SETD1A: variants seen among roughly 807,000 people sequenced by gnomAD.
SETD1A encodes histone-lysine N-methyltransferase SETD1A.
Under a neutral mutation model 149.9 loss-of-function variants are expected in SETD1A, and 29 were observed. The observed-to-expected ratio is 0.19, with a 90% CI of 0.14 to 0.26. The LOEUF is 0.26. Ranked by LOEUF, SETD1A falls within the 10% of genes least tolerant of loss-of-function variation. The probability of loss-of-function intolerance (pLI) is 1.00; values close to 1 mark genes in which losing one functional copy is unlikely to be tolerated. For missense variants in SETD1A, 2,109 were observed against 2,353.1 expected (o/e 0.90, Z 2.15); for synonymous variants, 1,141 against 968.5 (o/e 1.18, Z -3.31).
intron 3 of SETD1A, among the ~76,000 whole-genome samples, chr16:30,960,303 C>A (rs141099645): frequency 6.6e-6 from 1 of 152,318 alleles, no homozygotes; most frequent in Admixed American, 6.5e-5. Context: ...GCCTTATCCT[C>A]CGCCTTGACA....
chr16:30,967,451 G>C (rs1398551618), intron 9 of SETD1A, 50 bp from the exon 10 acceptor site: 1 of 1,554,958 alleles, frequency 6.4e-7, no homozygotes, highest in South Asian at 1.1e-5. Context: ...ACCGTGCTCT[G>C]CCTGAGTGTT....
chr16:30,970,794 C>T (rs1291943761), intron 12 of SETD1A, among the ~76,000 whole-genome samples: 2 of 152,228 alleles, frequency 1.3e-5, no homozygotes, highest in Non-Finnish European at 2.9e-5. Flanking sequence ...AGCTCCATCT[C>T]GCCCTCCTCC....
rs540417109 is a variant in SETD1A at position 30,961,759 on chromosome 16, A to G, written c.517+222A>G. 2.0e-5 allele frequency among the ~76,000 whole-genome samples: 3 copies of G among 152,106 alleles called. No homozygotes were observed. The highest frequency in any genetic ancestry group is 1.3e-4 in the Admixed American group (2 of 15,258). On this transcript the variant is annotated intron_variant, in intron 4 of 18. Transcript: ENST00000262519. This position sits in a 1 kb window ranked among gnomAD's most constrained non-coding sequence, Gnocchi z 4.0. ...CGGGCAATAGGCCATAATCAAGCAC[A>G]TAACTATCTGTAAAAAAAAAAAAAA... is the stretch of plus-strand genomic sequence containing the variant.
At chr16:30,963,335 A>T in intron 4 of SETD1A, 98 bp from the exon 5 acceptor site, 1 of 1,208,748 alleles carries the variant, frequency 8.3e-7, no homozygotes, top group African/African-American at 1.6e-5. Flanking sequence ...GATTCCAAGA[A>T]ATTGTAGGAA....
chr16:30,968,311 G>A (rs901956795), intron 10 of SETD1A, among the ~76,000 whole-genome samples: 1 of 151,504 alleles, frequency 6.6e-6, no homozygotes, highest in Non-Finnish European at 1.5e-5. Context: ...GCAGAGGCAC[G>A]AGAATCACTT....
At position 30,971,518 on chromosome 16, in the gene SETD1A, T is replaced by G. The variant is rs1596683291; in HGVS notation, c.3157T>G (p.Ser1053Ala). ...CTCCTCCTCCTCGTCCTCATCCTCC[T>G]CGTCCTCTTCATCCTCTGAGTCCTC... Reference protein sequence around the residue: ...SSSSSSSSSSSSSSSSESSSE... With the variant: ...SSSSSSSSSSASSSSSESSSE... Residue 1053 changes from serine to alanine, a missense_variant, in exon 13 of 19, where the codon TCG becomes GCG. Ser to Ala is a moderately conservative substitution (Grantham distance 99, BLOSUM62 1). Around this residue, in one of 8 missense-constraint regions of SETD1A, gnomAD observed 832 missense variants for 815.6 expected, o/e 1.02. Coordinates refer to ENST00000262519, the MANE Select transcript of SETD1A (RefSeq NM_014712.3). The G allele has an allele frequency of 6.2e-7, 1 of 1,613,756 alleles. No homozygotes were observed. Among genetic ancestry groups the G allele is most frequent in the Non-Finnish European group, 8.5e-7 (1 of 1,179,844 alleles).
rs753647033 is a variant in SETD1A, at chr16:30,967,620, G to A, written c.2770+32G>A. ...AGGGTCAGGCATAAGGAGAAGGGGTGTGCTGCGTGGGTTCTGATGGGAGAG... is the reference window on the plus strand; with the variant it reads ...AGGGTCAGGCATAAGGAGAAGGGGTATGCTGCGTGGGTTCTGATGGGAGAG... On this transcript the variant is annotated intron_variant, in intron 10 of 18. Coordinates refer to ENST00000262519, the MANE Select transcript of SETD1A (RefSeq NM_014712.3). 3 of 1,585,050 alleles carry A rather than the reference G, an allele frequency of 1.9e-6. No homozygotes were observed. The South Asian group carries it at 3.3e-5, about 18-fold the overall frequency.
chr16:30,962,506 C>T (rs1178161273), intron 4 of SETD1A, among the ~76,000 whole-genome samples: 1 of 152,142 alleles, frequency 6.6e-6, no homozygotes, highest in African/African-American at 2.4e-5. Context: ...GCGAGGTGGT[C>T]TGGGCTTCTG....
chr16:30,965,992 C>G lies in SETD1A; in HGVS notation c.2111C>G (p.Ala704Gly). 6.3e-7 allele frequency: 1 copy of G among 1,579,982 alleles called. No individual in the cohort carries two copies. Among genetic ancestry groups the G allele is most frequent in the Admixed American group, 1.8e-5 (1 of 55,970 alleles). ...RQGKGLIAAS[A>G]GPPGGAFGEA... ...GGCAAGGGATTGATTGCCGCCTCAG[C>G]TGGCCCCCCCGGTGGGGCCTTTGGG... Residue 704 changes from alanine (A) to glycine (G), a missense_variant, in exon 8 of 19, where the codon GCT becomes GGT. Ala to Gly is a moderately conservative substitution (Grantham distance 60). Around this residue, in one of 8 missense-constraint regions of SETD1A, gnomAD observed 431 missense variants for 388.6 expected, o/e 1.11. Coordinates refer to ENST00000262519, the MANE Select transcript of SETD1A (RefSeq NM_014712.3).
rs2056404871 is a variant in SETD1A, at chr16:30,983,278, G to A, written c.4813-357G>A. Among the ~76,000 whole-genome samples, 1 of 152,172 alleles carries A rather than the reference G, an allele frequency of 6.6e-6. No homozygotes were observed. Among genetic ancestry groups the A allele is most frequent in the Non-Finnish European group, 1.5e-5 (1 of 68,026 alleles). ...AGGAGAGATGAGCAGGGTGCCGTTG[G>A]TGACATGGCCAGTCATTTCAGGAGC... On this transcript the variant is annotated intron_variant, in intron 17 of 18. Transcript: ENST00000262519. This position sits in a 1 kb window ranked among gnomAD's most constrained non-coding sequence, Gnocchi z 6.8.
rs2056167663 is a variant in SETD1A, at chr16:30,967,723, C to T, written c.2770+135C>T. 4 of 714,816 alleles carry T rather than the reference C, an allele frequency of 5.6e-6. No homozygotes were observed. In the South Asian group the frequency reaches 6.2e-5, roughly 11 times the overall value. The allele number at this position is 714,816 out of a possible 1,614,324, so 44.3% of individuals were successfully genotyped here. On this transcript the variant is annotated intron_variant, in intron 10 of 18. Coordinates refer to ENST00000262519, the MANE Select transcript of SETD1A (RefSeq NM_014712.3). ...GGTGCAGGGTTGAAATGCAGCAGTT[C>T]TGAGAGGTATGGGATGCACCAGGTA...
chr16:30,979,763 C>A lies in SETD1A; in HGVS notation c.3977C>A (p.Ala1326Asp). Residue 1326 changes from alanine (A) to aspartate (D), a missense_variant, in exon 14 of 19, where the codon GCC (alanine) becomes GAC (aspartate). By Grantham distance (126) the Ala-to-Asp change is moderately radical. Coordinates refer to ENST00000262519, the MANE Select transcript of SETD1A (RefSeq NM_014712.3). ...RPPEPVPAPA[A>D]LFSSPADEVL... ...CCGGAGCCAGTGCCCGCACCCGCCG[C>A]CCTCTTCAGTTCCCCAGCTGATGAG... The A allele has an allele frequency of 6.3e-7, 1 of 1,595,586 alleles. No homozygotes were observed. Among genetic ancestry groups the A allele is most frequent in the South Asian group, 1.1e-5 (1 of 90,358 alleles).
Position 30,981,221 on chromosome 16 carries a change from A to T in SETD1A, c.4812+41A>T, listed in dbSNP as rs1015103090. ...CAGCCCCGCCCCGGCTTCTGATGCA[A>T]CAAGACAGCATGGGGGCTCACACAC... On this transcript the variant is annotated intron_variant, in intron 17 of 18. Transcript: ENST00000262519. 4 of 1,610,840 alleles carry T rather than the reference A, an allele frequency of 2.5e-6. No homozygotes were observed. The African/African-American group carries it at 4.0e-5, about 16-fold the overall frequency.
Position 30,966,166 on chromosome 16 carries a change from C to T in SETD1A, c.2285C>T (p.Ser762Phe), listed in dbSNP as rs777150212. Residue 762 changes from serine (S) to phenylalanine (F), a missense_variant, in exon 8 of 19, where the codon TCC becomes TTC. Around this residue, in one of 8 missense-constraint regions of SETD1A, gnomAD observed 431 missense variants for 388.6 expected, o/e 1.11. Transcript: ENST00000262519. Reference protein sequence around the residue: ...MPMAAEPLPSSSVSGEEARLP... With the variant: ...MPMAAEPLPSFSVSGEEARLP... Reference sequence around the variant, plus strand: ...ATGGCAGCCGAGCCCCTGCCCTCCTCCTCAGTCTCGGGAGAGGAGGCCCGG... The same window carrying T: ...ATGGCAGCCGAGCCCCTGCCCTCCTTCTCAGTCTCGGGAGAGGAGGCCCGG... 18 of 1,609,922 alleles carry T rather than the reference C, an allele frequency of 1.1e-5. No homozygotes were observed. The highest frequency in any genetic ancestry group is 1.4e-5 in the Non-Finnish European group (16 of 1,177,926).
At chr16:30,976,872 G>A (rs961444900) in intron 13 of SETD1A, among the ~76,000 whole-genome samples, 5 of 152,030 alleles carry the variant, frequency 3.3e-5, no homozygotes, top group East Asian at 1.9e-4. Flanking sequence ...GAGAGGGCAC[G>A]ACAAGGGAGT....
rs1324334620 is a variant in SETD1A, at chr16:30,965,893, C to A, written c.2012C>A (p.Ala671Asp). The A allele has an allele frequency of 6.2e-7, 1 of 1,606,182 alleles. No individual in the cohort carries two copies. The highest frequency in any genetic ancestry group is 8.5e-7 in the Non-Finnish European group (1 of 1,176,812). ...NSLELMDRLG[A>D]QWGGMPMSFQ... ...TTGGAGCTCATGGACCGACTTGGGG[C>A]TCAGTGGGGAGGGATGCCCATGTCC... is the stretch of plus-strand genomic sequence containing the variant. The change falls in exon 8 of 19, where the codon GCT becomes GAT. Residue 671 changes from alanine to aspartate, a missense_variant. By Grantham distance (126) the Ala-to-Asp change is moderately radical. Coordinates refer to ENST00000262519, the MANE Select transcript of SETD1A (RefSeq NM_014712.3).
chr16:30,967,495 C>T lies in SETD1A; in HGVS notation c.2683-6C>T. On this transcript the variant is annotated splice_region_variant and splice_polypyrimidine_tract_variant and intron_variant, in intron 9 of 18. Transcript: ENST00000262519. ...AAACAGGCCCCATCTTTTCCCCATC[C>T]CCCAGGTAAAGCGGAAAGAGCCATC... 1 of 1,613,652 alleles carries T rather than the reference C, an allele frequency of 6.2e-7. No individual in the cohort carries two copies.
At chr16:30,982,469 C>T (rs2143598354) in intron 17 of SETD1A, among the ~76,000 whole-genome samples, 1 of 151,596 alleles carries the variant, frequency 6.6e-6, no homozygotes, top group East Asian at 1.9e-4. Flanking sequence ...CCATTGCACT[C>T]CAGCCTGGGC....
At chr16:30,982,347 A>C (rs1184152717) in intron 17 of SETD1A, among the ~76,000 whole-genome samples, 1 of 151,966 alleles carries the variant, frequency 6.6e-6, no homozygotes, top group Non-Finnish European at 1.5e-5. Context: ...CTAAAAATAC[A>C]AAAATTAGCC....
Sources: gnomAD v4.1 joint callset for allele counts (sites outside exome capture counted in the v4.1 genomes callset) on GRCh38, gnomAD v4.1.1 for gene constraint, gnomAD v4.1.1 regional missense constraint, Gnocchi (gnomAD v3.1) non-coding constraint, MANE v1.5 for transcripts, NCBI Gene and HGNC (gene_info 2026-07-23, HGNC 2026-07-21) for gene names.